Variants in NAALADL2 observed in about 807,000 individuals in gnomAD.
The protein encoded by NAALADL2 is N-acetylated alpha-linked acidic dipeptidase like 2, also known as inactive N-acetylated-alpha-linked acidic dipeptidase-like protein 2.
Under a neutral mutation model 87.2 loss-of-function variants are expected in NAALADL2, and 76 were observed. That is an observed-to-expected ratio of 0.87 (90% CI 0.72 to 1.05). The LOEUF (loss-of-function observed/expected upper bound fraction) is 1.05. Ranked by LOEUF, NAALADL2 falls within the 50% of genes least tolerant of loss-of-function variation. NAALADL2 has a pLI of 0.00. For synonymous variants in NAALADL2, 354 were observed against 331.0 expected, an observed-to-expected ratio of 1.07 and a Z score of -0.75; for missense variants, 1,089 against 945.8, an observed-to-expected ratio of 1.15 and a Z score of -1.99.
chr3:175,553,894 T>G (rs1481353752), intron 9 of NAALADL2, among the ~76,000 whole-genome samples: 1 of 152,124 alleles, frequency 6.6e-6, no homozygotes, highest in Non-Finnish European at 1.5e-5. Flanking sequence ...AGATAGGGGC[T>G]TTTATGGAGT....
chr3:175,346,038 A>G (rs1026241704), intron 5 of NAALADL2, among the ~76,000 whole-genome samples: 4 of 152,196 alleles, frequency 2.6e-5, no homozygotes, highest in African/African-American at 9.6e-5. Flanking sequence ...GAGAAAGTGT[A>G]TATCAGCTGC....
At chr3:175,577,296 G>A (rs1399302817) in intron 10 of NAALADL2, among the ~76,000 whole-genome samples, 2 of 152,116 alleles carry the variant, frequency 1.3e-5, no homozygotes, top group African/African-American at 4.8e-5. Flanking sequence ...GCCTGTAGAG[G>A]GTTTAGCTAA....
intron 2 of NAALADL2, among the ~76,000 whole-genome samples, chr3:174,700,047 C>G (rs1366943260): frequency 6.6e-6 from 1 of 151,324 alleles, no homozygotes; most frequent in Non-Finnish European, 1.5e-5. Flanking sequence ...TGTTTGTTTA[C>G]TTACTTGTTG....
chr3:174,775,876 C>T (rs775137606), intron 3 of NAALADL2, among the ~76,000 whole-genome samples: 3 of 152,046 alleles, frequency 2.0e-5, no homozygotes, highest in East Asian at 1.9e-4. Flanking sequence ...GAAGTCTTTC[C>T]GTAAAGGGCA....
chr3:175,794,155 A>G (rs556443285), intron 13 of NAALADL2, among the ~76,000 whole-genome samples: 1 of 152,218 alleles, frequency 6.6e-6, no homozygotes, highest in Non-Finnish European at 1.5e-5. Context: ...ATGCATCTTT[A>G]TATTAATTGT....
At chr3:175,097,342 G>A (rs940835928) in intron 2 of NAALADL2, 51 bp downstream of exon 2, 11 of 1,519,254 alleles carry the variant, frequency 7.2e-6, no homozygotes, top group African/African-American at 2.8e-5. Flanking sequence ...TGGGAAAAAT[G>A]TCTCACAGGG....
intron 2 of NAALADL2, among the ~76,000 whole-genome samples, chr3:174,710,230 C>CTTTTTTTTTTTTTTTTTTTTTTTTTT (rs57899491): frequency 7.3e-6 from 1 of 136,350 alleles, no homozygotes; most frequent in Non-Finnish European, 1.6e-5. Context: ...TATGAGCCTC[C>CTTTTTTTTTTTTTTTTTTTTTTTTTT]TTTTTTTTTT....
chr3:175,337,601 C>T (rs914144820), intron 5 of NAALADL2, among the ~76,000 whole-genome samples: 2 of 152,094 alleles, frequency 1.3e-5, no homozygotes, highest in African/African-American at 4.8e-5. Context: ...CCTGCCAATA[C>T]CTTCATCTTG....
chr3:174,526,419 A>G (rs1720751673), intron 1 of NAALADL2, among the ~76,000 whole-genome samples: 2 of 152,180 alleles, frequency 1.3e-5, no homozygotes, highest in African/African-American at 4.8e-5. Flanking sequence ...TGGTATAATG[A>G]GAGTAATAAT....
At chr3:174,827,646 A>T (rs1722152534) in intron 3 of NAALADL2, among the ~76,000 whole-genome samples, 1 of 152,218 alleles carries the variant, frequency 6.6e-6, no homozygotes, top group African/African-American at 2.4e-5. Flanking sequence ...CTTGCCATAT[A>T]ACATAATAAG....
intron 11 of NAALADL2, among the ~76,000 whole-genome samples, chr3:175,720,357 A>C (rs1333345243): frequency 6.6e-6 from 1 of 152,194 alleles, no homozygotes; most frequent in Non-Finnish European, 1.5e-5. Context: ...TGAAATTAAA[A>C]ATACAATGGA....
intron 5 of NAALADL2, among the ~76,000 whole-genome samples, chr3:175,399,086 C>T (rs1770217191): frequency 6.6e-6 from 1 of 151,388 alleles, no homozygotes; most frequent in African/African-American, 2.4e-5. Flanking sequence ...TTTTTTTAAC[C>T]TAGGTACTTT....
chr3:175,530,952 G>T (rs1297162187), intron 9 of NAALADL2, among the ~76,000 whole-genome samples: 1 of 152,150 alleles, frequency 6.6e-6, no homozygotes, highest in Non-Finnish European at 1.5e-5. Context: ...AAGGAGAGTA[G>T]TTATCTGCAG....
At chr3:174,475,958 A>C (rs972512393) in intron 1 of NAALADL2, among the ~76,000 whole-genome samples, 1 of 152,056 alleles carries the variant, frequency 6.6e-6, no homozygotes, top group Non-Finnish European at 1.5e-5. Context: ...CAGAGAATAG[A>C]TATCTCTAGA....
At chr3:175,653,796 A>G (rs543377679) in intron 11 of NAALADL2, among the ~76,000 whole-genome samples, 1 of 152,230 alleles carries the variant, frequency 6.6e-6, no homozygotes, top group South Asian at 2.1e-4. Context: ...CTTTCCATAG[A>G]GTACTGTGTA....
intron 1 of NAALADL2, among the ~76,000 whole-genome samples, chr3:175,079,053 C>A (rs918892474): frequency 1.3e-5 from 2 of 152,274 alleles, no homozygotes; most frequent in South Asian, 2.1e-4. Flanking sequence ...CCACTAGCAA[C>A]GTATGGGGTT....
chr3:175,355,257 G>A (rs1764239889), intron 5 of NAALADL2, among the ~76,000 whole-genome samples: 1 of 151,750 alleles, frequency 6.6e-6, no homozygotes, highest in Non-Finnish European at 1.5e-5. Context: ...AGTAGAGTCA[G>A]GGTTTCACCA....
chr3:175,093,416 T>TTTTATATA (rs1553771421), intron 1 of NAALADL2, among the ~76,000 whole-genome samples: 30 of 139,510 alleles, frequency 2.2e-4, no homozygotes, highest in African/African-American at 8.2e-4. Flanking sequence ...TTTTATTTTT[T>TTTTATATA]TATATATATA....
At chr3:175,660,624 A>G (rs79265812) in intron 11 of NAALADL2, among the ~76,000 whole-genome samples, 3,163 of 152,050 alleles carry the variant, frequency 0.021, 121 homozygotes, top group African/African-American at 0.073. Context: ...AACTAACTGT[A>G]TTTTTGTACC....
Sources: allele counts gnomAD v4.1 joint callset (sites outside exome capture counted in the v4.1 genomes callset), GRCh38; gene constraint gnomAD v4.1.1; transcripts MANE v1.5; gene names NCBI Gene and HGNC (gene_info 2026-07-23, HGNC 2026-07-21).